SLC2A14: variants seen among roughly 807,000 people sequenced by gnomAD.
SLC2A14 encodes the protein solute carrier family 2 member 14.
A neutral mutation model predicts 43.0 loss-of-function variants in SLC2A14; 13 were observed. The observed-to-expected ratio is 0.30, with a 90% CI of 0.20 to 0.48. The LOEUF (loss-of-function observed/expected upper bound fraction) is 0.48. Ranked by LOEUF, SLC2A14 falls within the 20% of genes least tolerant of loss-of-function variation. SLC2A14 has a pLI of 0.99. For synonymous variants in SLC2A14, 190 were observed against 233.8 expected, an observed-to-expected ratio of 0.81 and a Z score of 1.71; for missense variants, 428 against 620.4, an observed-to-expected ratio of 0.69 and a Z score of 3.29.
intron 2 of SLC2A14, among the ~76,000 whole-genome samples, chr12:7,857,445 G>A (rs1029062671): frequency 4.6e-5 from 7 of 151,566 alleles, no homozygotes; most frequent in African/African-American, 1.2e-4. Context: ...AAAATTACCC[G>A]AGCGCAGTGG....
At chr12:7,862,185 A>G (rs1437144821) in intron 2 of SLC2A14, among the ~76,000 whole-genome samples, 1 of 141,338 alleles carries the variant, frequency 7.1e-6, no homozygotes, top group East Asian at 2.1e-4. Flanking sequence ...AATTGCTTGA[A>G]CCCAGGAGGC....
chr12:7,856,370 G>A (rs1196430361), intron 2 of SLC2A14: 1 of 152,162 alleles, frequency 6.6e-6, no homozygotes, highest in African/African-American at 2.4e-5. Flanking sequence ...TCTCCACAGA[G>A]CATGGCCCAT....
In SLC2A14 at chr12:7,878,795, G is replaced by A. The variant is rs756196287; in HGVS notation, c.132+12201C>T. ...AGATTGAGACCATCCTGGCCAACAT[G>A]GTGAAACCCTGTTGCTAATAAAAAT... is the stretch of plus-strand genomic sequence containing the variant. On this transcript the variant is annotated intron_variant, in intron 1 of 9. Coordinates refer to the SLC2A14 transcript ENST00000539924. 1.3e-5 allele frequency among the ~76,000 whole-genome samples: 2 copies of A among 151,360 alleles called. 1 individual carries two copies. The highest frequency in any genetic ancestry group is 3.9e-4 in the East Asian group (2 of 5,126).
intron 2 of SLC2A14, among the ~76,000 whole-genome samples, chr12:7,847,146 G>A (rs1380897584): frequency 6.6e-6 from 1 of 151,856 alleles, no homozygotes; most frequent in African/African-American, 2.4e-5. Flanking sequence ...CAGCTACTCA[G>A]GAGGCTGAGG....
chr12:7,879,035 TTACTCTAGAAAG>T (rs1345222432), intron 1 of SLC2A14, among the ~76,000 whole-genome samples: 5 of 146,186 alleles, frequency 3.4e-5, no homozygotes, highest in Non-Finnish European at 7.5e-5. Context: ...TTCCTCAACC[TTACTCTAGAAAG>T]TAGGGGTGTC....
At chr12:7,876,303 A>AAAAAAAAAAAAAAAAAG (rs1555149216), upstream of SLC2A14, among the ~76,000 whole-genome samples, 5 of 133,752 alleles carry the variant, frequency 3.7e-5, no homozygotes, top group African/African-American at 1.4e-4. Flanking sequence ...AAAAAAAAAA[A>AAAAAAAAAAAAAAAAAG]AGAGAGACAA....
intron 1 of SLC2A14, among the ~76,000 whole-genome samples, chr12:7,879,536 T>G (rs1196299527): frequency 6.6e-6 from 1 of 151,624 alleles, no homozygotes; most frequent in East Asian, 1.9e-4. Flanking sequence ...ACAAAAAAAT[T>G]AGCCAGGCAT....
intron 2 of SLC2A14, among the ~76,000 whole-genome samples, chr12:7,833,152 A>G (rs753879239): frequency 6.6e-6 from 1 of 152,296 alleles, no homozygotes; most frequent in East Asian, 1.9e-4. Context: ...ACGAACTGGG[A>G]GGAAAGAGGA....
intron 1 of SLC2A14, among the ~76,000 whole-genome samples, chr12:7,885,461 G>A (rs1055029759): frequency 6.6e-5 from 10 of 150,756 alleles, no homozygotes; most frequent in African/African-American, 1.2e-4. Flanking sequence ...GCGAAACTTC[G>A]TCTCAAAAAA....
intron 1 of SLC2A14, among the ~76,000 whole-genome samples, chr12:7,879,699 A>T (rs1348637293): frequency 2.0e-5 from 3 of 151,600 alleles, no homozygotes; most frequent in East Asian, 1.9e-4. Context: ...AATAAATAAA[A>T]AAAATATAAC....
chr12:7,845,311 C>T (rs1299600997), intron 2 of SLC2A14, among the ~76,000 whole-genome samples: 1 of 152,166 alleles, frequency 6.6e-6, no homozygotes, highest in Admixed American at 6.5e-5. Context: ...TCTATTCATG[C>T]TCCTCCATTC....
chr12:7,841,486 C>T (rs1865941608), intron 2 of SLC2A14, among the ~76,000 whole-genome samples: 1 of 152,060 alleles, frequency 6.6e-6, no homozygotes, highest in Non-Finnish European at 1.5e-5. Context: ...GTGTTGAACT[C>T]CTGACCTCAG....
intron 2 of SLC2A14, among the ~76,000 whole-genome samples, chr12:7,867,422 G>A (rs1944986939): frequency 6.6e-6 from 1 of 152,074 alleles, no homozygotes; most frequent in Non-Finnish European, 1.5e-5. Context: ...AGTGGAGGAA[G>A]TAACTGTAGA....
At chr12:7,858,592 C>G (rs1461893992) in intron 2 of SLC2A14, among the ~76,000 whole-genome samples, 1 of 152,078 alleles carries the variant, frequency 6.6e-6, no homozygotes, top group African/African-American at 2.4e-5. Flanking sequence ...TTCCGCCTCC[C>G]GGGTTCAAGC....
At chr12:7,818,774 G>A (rs770853100) in intron 9 of SLC2A14, among the ~76,000 whole-genome samples, 28 of 150,966 alleles carry the variant, frequency 1.9e-4, no homozygotes, top group Non-Finnish European at 5.9e-5. Context: ...CTCTCACCTT[G>A]GCCTCCCAAA....
intron 1 of SLC2A14, among the ~76,000 whole-genome samples, chr12:7,882,489 C>T (rs1945601870): frequency 1.3e-5 from 2 of 152,122 alleles, no homozygotes; most frequent in African/African-American, 4.8e-5. Flanking sequence ...CCCTCCACTC[C>T]AGCCTGGGCA....
intron 2 of SLC2A14, among the ~76,000 whole-genome samples, chr12:7,865,756 C>T (rs752688265): frequency 5.3e-5 from 8 of 152,012 alleles, no homozygotes; most frequent in Admixed American, 2.0e-4. Flanking sequence ...AAACATATCT[C>T]ACTTTAAATC....
At chr12:7,824,670 T>C in intron 7 of SLC2A14, among the ~76,000 whole-genome samples, 1 of 149,110 alleles carries the variant, frequency 6.7e-6, no homozygotes, top group Non-Finnish European at 1.5e-5. Flanking sequence ...GAGGTGGAAG[T>C]TGCAGTGAGC....
chr12:7,879,316 A>AAAAACAAAC (rs148751409), intron 1 of SLC2A14, among the ~76,000 whole-genome samples: 2 of 109,982 alleles, frequency 1.8e-5, no homozygotes, highest in African/African-American at 7.9e-5. Flanking sequence ...TCTGCAAAAA[A>AAAAACAAAC]AAACAAACAA....
Sources: allele counts gnomAD v4.1 joint callset (sites outside exome capture counted in the v4.1 genomes callset), GRCh38; gene constraint gnomAD v4.1.1; transcripts MANE v1.5; gene names NCBI Gene and HGNC (gene_info 2026-07-23, HGNC 2026-07-21).